Variants in TRPC4 observed in about 807,000 individuals in gnomAD.
The protein encoded by TRPC4 is transient receptor potential cation channel subfamily C member 4, also known as short transient receptor potential channel 4.
Under a neutral mutation model 99.4 loss-of-function variants are expected in TRPC4, and 49 were observed. That is an observed-to-expected ratio of 0.49 (90% confidence interval 0.39 to 0.63). The LOEUF (loss-of-function observed/expected upper bound fraction) is 0.63. Ranked by LOEUF, TRPC4 falls within the 20% of genes least tolerant of loss-of-function variation. The pLI is 0.00. For synonymous variants in TRPC4, 454 were observed against 425.9 expected, an observed-to-expected ratio of 1.07 and a Z score of -0.81; for missense variants, 898 against 1,152.9, an observed-to-expected ratio of 0.78 and a Z score of 3.20.
At position 37,756,648 on chromosome 13, in the gene TRPC4, TC is replaced by T. The variant is rs1057344683; in HGVS notation, c.379-10194del. 1.3e-4 allele frequency among the ~76,000 whole-genome samples: 20 copies of T among 151,656 alleles called. 1 individual carries two copies. Among genetic ancestry groups the T allele is most frequent in the African/African-American group, 4.6e-4 (19 of 41,346 alleles). The stretch of plus-strand genomic sequence containing the variant: ...CCCAGGTTCAATCGATTCTCCTGCC[TC>T]AGCCTCCCGAGTAGCTGGGATTACA... On this transcript the variant is annotated intron_variant, in intron 2 of 10. Transcript: ENST00000379705.
At chr13:37,845,721 A>T (rs1005369547) in intron 1 of TRPC4, among the ~76,000 whole-genome samples, 1 of 152,242 alleles carries the variant, frequency 6.6e-6, no homozygotes, top group Admixed American at 6.5e-5. Flanking sequence ...ATGAAGAAAA[A>T]GAAAGAGAAA....
intron 1 of TRPC4, among the ~76,000 whole-genome samples, chr13:37,812,176 C>CAAAAAAAAAAAAAAAAAAAAA (rs61607544): frequency 1.6e-4 from 9 of 55,156 alleles, no homozygotes; most frequent in Non-Finnish European, 2.2e-4. Context: ...GAGACTCTAT[C>CAAAAAAAAAAAAAAAAAAAAA]AAAAAAAAAA....
chr13:37,675,102 G>A (rs1953000196), intron 4 of TRPC4, among the ~76,000 whole-genome samples: 1 of 152,072 alleles, frequency 6.6e-6, no homozygotes, highest in East Asian at 1.9e-4. Flanking sequence ...TAAATATGAT[G>A]TCATAACTAC....
At chr13:37,832,847 A>G (rs1345675797) in intron 1 of TRPC4, among the ~76,000 whole-genome samples, 2 of 152,216 alleles carry the variant, frequency 1.3e-5, no homozygotes, top group Non-Finnish European at 2.9e-5. Flanking sequence ...ACTCTAGTCA[A>G]TAGAAAACTA....
intron 1 of TRPC4, among the ~76,000 whole-genome samples, chr13:37,826,614 T>C (rs1387121393): frequency 1.3e-5 from 2 of 152,106 alleles, no homozygotes; most frequent in Non-Finnish European, 2.9e-5. Context: ...CACTCTCTTC[T>C]GGCTTATAGG....
chr13:37,744,777 A>G (rs1955690140), intron 3 of TRPC4, among the ~76,000 whole-genome samples: 1 of 152,158 alleles, frequency 6.6e-6, no homozygotes, highest in Admixed American at 6.6e-5. Context: ...ATAGATAATT[A>G]CTATCATTTA....
At chr13:37,791,162 G>C (rs1443900601) in intron 1 of TRPC4, among the ~76,000 whole-genome samples, 2 of 151,970 alleles carry the variant, frequency 1.3e-5, no homozygotes, top group African/African-American at 2.4e-5. Flanking sequence ...GGGAGGCCTA[G>C]GTGGGCAGAT....
chr13:37,788,830 T>C (rs1227333197), intron 1 of TRPC4, among the ~76,000 whole-genome samples: 1 of 152,156 alleles, frequency 6.6e-6, no homozygotes, highest in Admixed American at 6.6e-5. Flanking sequence ...ACTTCTGCTA[T>C]CCAAGATGGT....
At chr13:37,666,750 A>G (rs1952658661) in intron 5 of TRPC4, among the ~76,000 whole-genome samples, 2 of 152,084 alleles carry the variant, frequency 1.3e-5, no homozygotes, top group Admixed American at 6.5e-5. Flanking sequence ...TCATCTTCGC[A>G]TGTTTGTCTT....
In TRPC4 at chr13:37,656,093, T is replaced by C. The variant is rs148923215; in HGVS notation, c.1689-810A>G. Among the ~76,000 whole-genome samples, 434 of 152,252 alleles carry C rather than the reference T, an allele frequency of 2.9e-3. 1 individual carries two copies. Among genetic ancestry groups the C allele is most frequent in the African/African-American group, 9.9e-3 (410 of 41,548 alleles). On this transcript the variant is annotated intron_variant, in intron 6 of 10. Coordinates refer to ENST00000379705, the MANE Select transcript of TRPC4 (RefSeq NM_016179.4). The stretch of plus-strand genomic sequence containing the variant: ...TTGGTATTTCAAGGAACATTTTATT[T>C]ATTCTAGCCAATGAATGAACTCTGG...
intron 5 of TRPC4, among the ~76,000 whole-genome samples, chr13:37,670,601 C>T (rs1952806137): frequency 6.6e-6 from 1 of 152,196 alleles, no homozygotes; most frequent in Non-Finnish European, 1.5e-5. Flanking sequence ...GATGTTACTA[C>T]CTAAATTTGT....
chr13:37,790,748 C>A (rs1185954123), intron 1 of TRPC4, among the ~76,000 whole-genome samples: 1 of 152,078 alleles, frequency 6.6e-6, no homozygotes, highest in African/African-American at 2.4e-5. Context: ...GGTATATTAT[C>A]CTCCCCCCTT....
At chr13:37,729,857 T>G (rs148101334) in intron 3 of TRPC4, among the ~76,000 whole-genome samples, 12 of 152,216 alleles carry the variant, frequency 7.9e-5, no homozygotes, top group Admixed American at 2.6e-4. Flanking sequence ...ACTCCTCATT[T>G]CCCCTTCCTT....
Position 37,655,239 on chromosome 13 carries a change from A to G in TRPC4, c.1733T>C (p.Leu578Pro). Reference protein sequence around the residue: ...LQSLFWSIFGLINLYVTNVKA... With the variant: ...LQSLFWSIFGPINLYVTNVKA... ...GACATTGGTCACATATAAATTGATG[A>G]GCCCAAATATTGACCAAAACAGGGA... is the stretch of plus-strand genomic sequence containing the variant. Residue 578 changes from leucine (L) to proline (P), a missense_variant, in exon 7 of 11, where the codon CTC (leucine) becomes CCC (proline). Physicochemically the swap from Leu to Pro is moderately conservative, Grantham distance 98. This residue lies in a region of TRPC4 where 274 missense variants were observed against 454.9 expected (regional missense o/e 0.60). Transcript: ENST00000379705. 1 of 1,607,084 alleles carries G rather than the reference A, an allele frequency of 6.2e-7. No individual in the cohort carries two copies. The highest frequency in any genetic ancestry group is 8.5e-7 in the Non-Finnish European group (1 of 1,176,280).
intron 1 of TRPC4, among the ~76,000 whole-genome samples, chr13:37,828,492 C>T (rs1958316286): frequency 6.6e-6 from 1 of 152,088 alleles, no homozygotes; most frequent in East Asian, 1.9e-4. Flanking sequence ...GGGCATACAC[C>T]CAAAGGAATA....
intron 7 of TRPC4, among the ~76,000 whole-genome samples, chr13:37,654,144 T>C (rs1952142831): frequency 6.6e-6 from 1 of 152,104 alleles, no homozygotes; most frequent in African/African-American, 2.4e-5. Flanking sequence ...TGAGAAAAAT[T>C]GCCTCCCTAA....
chr13:37,835,795 T>G (rs1958549211), intron 1 of TRPC4, among the ~76,000 whole-genome samples: 1 of 152,212 alleles, frequency 6.6e-6, no homozygotes, highest in Admixed American at 6.5e-5. Context: ...CAATTCCCAA[T>G]ATATTGGTTA....
At chr13:37,766,059 T>C (rs1206796784) in intron 2 of TRPC4, among the ~76,000 whole-genome samples, 1 of 151,470 alleles carries the variant, frequency 6.6e-6, no homozygotes, top group Non-Finnish European at 1.5e-5. Flanking sequence ...CATTAATGAA[T>C]GAAAGTTGAT....
intron 3 of TRPC4, among the ~76,000 whole-genome samples, chr13:37,697,572 T>C (rs1311512557): frequency 6.6e-6 from 1 of 152,134 alleles, no homozygotes; most frequent in African/African-American, 2.4e-5. Context: ...ATAGTAGAGA[T>C]GAAATGTAAA....
Sources: gnomAD v4.1 joint callset for allele counts (sites outside exome capture counted in the v4.1 genomes callset) on GRCh38, gnomAD v4.1.1 for gene constraint, gnomAD v4.1.1 regional missense constraint, MANE v1.5 for transcripts, NCBI Gene and HGNC (gene_info 2026-07-23, HGNC 2026-07-21) for gene names.